ELMO1: variants seen among roughly 807,000 people sequenced by gnomAD.
ELMO1 encodes engulfment and cell motility protein 1.
ELMO1 carries 26 observed loss-of-function variants against 98.9 expected under a neutral mutation model. The ratio of observed to expected loss-of-function variants is 0.26; its 90% CI spans 0.19 to 0.36. ELMO1 has a LOEUF of 0.36. Among genes scored for constraint, ELMO1 ranks in the 10% least tolerant of loss-of-function variants. The probability of loss-of-function intolerance (pLI) is 1.00; values close to 1 mark genes in which losing one functional copy is unlikely to be tolerated. For missense variants in ELMO1, 627 were observed against 935.2 expected, an observed-to-expected ratio of 0.67 and a Z score of 4.30; for synonymous variants, 346 against 346.0, an observed-to-expected ratio of 1.00 and a Z score of 0.00.
At chr7:37,123,673 A>C (rs1349815522) in intron 14 of ELMO1, among the ~76,000 whole-genome samples, 1 of 152,154 alleles carries the variant, frequency 6.6e-6, no homozygotes, top group African/African-American at 2.4e-5. Flanking sequence ...AAAGTCCAGA[A>C]CCAGACAGAT....
chr7:37,132,445 C>T (rs1401448530), intron 14 of ELMO1, among the ~76,000 whole-genome samples: 1 of 152,158 alleles, frequency 6.6e-6, no homozygotes, highest in African/African-American at 2.4e-5. Flanking sequence ...ACCCTGAGGA[C>T]AGGGGAGAGG....
intron 1 of ELMO1, among the ~76,000 whole-genome samples, chr7:37,368,954 A>G (rs948720260): frequency 3.9e-5 from 6 of 152,238 alleles, no homozygotes; most frequent in Non-Finnish European, 4.4e-5. Flanking sequence ...TTTTGTCAGT[A>G]TATTTTCAGC....
At chr7:36,893,682 G>C (rs758319982) in intron 17 of ELMO1, among the ~76,000 whole-genome samples, 14 of 152,138 alleles carry the variant, frequency 9.2e-5, no homozygotes, top group Non-Finnish European at 2.1e-4. Flanking sequence ...CACAATATTA[G>C]CTGAGGGGTC....
chr7:36,962,877 C>T (rs1051772410), intron 16 of ELMO1, among the ~76,000 whole-genome samples: 2 of 151,770 alleles, frequency 1.3e-5, no homozygotes, highest in African/African-American at 4.9e-5. Context: ...GTTCTCCCCA[C>T]TATTAGAAAA....
intron 15 of ELMO1, 121 bp downstream of exon 15, chr7:37,096,498 C>A: frequency 4.0e-6 from 3 of 752,394 alleles, no homozygotes. Context: ...ATCAACCTAT[C>A]CACAGTGATG....
intron 16 of ELMO1, among the ~76,000 whole-genome samples, chr7:36,972,850 G>A (rs986011142): frequency 2.0e-5 from 3 of 152,034 alleles, no homozygotes; most frequent in East Asian, 1.9e-4. Flanking sequence ...GCGCGATCTC[G>A]GCTCACTGCA....
At chr7:36,988,344 C>T (rs1328079609) in intron 16 of ELMO1, among the ~76,000 whole-genome samples, 3 of 152,202 alleles carry the variant, frequency 2.0e-5, no homozygotes, top group African/African-American at 7.2e-5. Flanking sequence ...CTCTTGAAGG[C>T]TGTCCAAATC....
At chr7:36,956,120 T>C (rs539769278) in intron 16 of ELMO1, among the ~76,000 whole-genome samples, 1 of 152,340 alleles carries the variant, frequency 6.6e-6, no homozygotes, top group East Asian at 1.9e-4. Context: ...GAGAGCCTTT[T>C]CTTGTCTAGG....
Position 37,188,603 on chromosome 7 carries a change from G to GT in ELMO1, c.1086+22782dup, listed in dbSNP as rs1212077834. 3.3e-5 allele frequency among the ~76,000 whole-genome samples: 5 copies of GT among 151,118 alleles called. No individual in the cohort carries two copies. In the East Asian group the frequency reaches 5.8e-4, roughly 17 times the overall value. ...TATTTAGAGAAAAGGCATCTTAAGA[G>GT]TTTTTTTTAAAACCATAAAATTAGT... On this transcript the variant is annotated intron_variant, in intron 13 of 21. Coordinates refer to ENST00000310758, the MANE Select transcript of ELMO1 (RefSeq NM_014800.11).
intron 1 of ELMO1, among the ~76,000 whole-genome samples, chr7:37,411,047 C>G (rs532978456): frequency 1.3e-5 from 2 of 152,294 alleles, no homozygotes; most frequent in Admixed American, 6.5e-5. Flanking sequence ...AAACCCGGAA[C>G]AGCAAGAACA....
chr7:37,017,979 CAAAT>C (rs918993348), intron 15 of ELMO1, among the ~76,000 whole-genome samples: 3 of 152,082 alleles, frequency 2.0e-5, no homozygotes, highest in African/African-American at 7.2e-5. Flanking sequence ...GAACTTTAGA[CAAAT>C]AAACCCCCCT....
At chr7:37,405,033 G>T (rs918961278) in intron 1 of ELMO1, among the ~76,000 whole-genome samples, 1 of 152,106 alleles carries the variant, frequency 6.6e-6, no homozygotes, top group Non-Finnish European at 1.5e-5. Context: ...TCATTTCCAG[G>T]AGAGAAGTCA....
chr7:37,307,930 T>C (rs1798697345), intron 4 of ELMO1, among the ~76,000 whole-genome samples: 1 of 152,204 alleles, frequency 6.6e-6, no homozygotes, highest in East Asian at 1.9e-4. Context: ...CTGGCCAACA[T>C]GGTGAAACCC....
At chr7:37,148,419 G>A (rs534021431) in intron 13 of ELMO1, among the ~76,000 whole-genome samples, 3 of 152,140 alleles carry the variant, frequency 2.0e-5, no homozygotes, top group South Asian at 4.2e-4. Context: ...AGAAAAGGCC[G>A]TGTACTGCCA....
chr7:37,257,625 G>A (rs908774335), intron 6 of ELMO1, among the ~76,000 whole-genome samples: 14 of 148,740 alleles, frequency 9.4e-5, no homozygotes, highest in African/African-American at 3.2e-4. Flanking sequence ...AGCACTTCTG[G>A]GAGGCAGAGG....
chr7:36,963,540 C>T, intron 16 of ELMO1, among the ~76,000 whole-genome samples: 1 of 152,030 alleles, frequency 6.6e-6, no homozygotes, highest in Non-Finnish European at 1.5e-5. Context: ...AGATAAATAC[C>T]AAAATACCTG....
intron 5 of ELMO1, among the ~76,000 whole-genome samples, chr7:37,261,794 G>T (rs1795991075): frequency 6.6e-6 from 1 of 152,138 alleles, no homozygotes; most frequent in Admixed American, 6.5e-5. Context: ...TAGACACAGG[G>T]TTTCACCATG....
chr7:37,315,875 A>G (rs1799126323), intron 3 of ELMO1, 45 bp downstream of exon 3: 1 of 1,505,684 alleles, frequency 6.6e-7, no homozygotes, highest in Middle Eastern at 1.7e-4. Flanking sequence ...TTGCTTGTCA[A>G]TTTATCAACT....
At chr7:37,298,286 TG>T (rs1476549482) in intron 4 of ELMO1, among the ~76,000 whole-genome samples, 6,058 of 45,872 alleles carry the variant, frequency 0.13, 209 homozygotes, top group Middle Eastern at 0.21. Context: ...AAGTTTTTTT[TG>T]TTTTTTTTTT....
Sources: gnomAD v4.1 joint callset for allele counts (sites outside exome capture counted in the v4.1 genomes callset) on GRCh38, gnomAD v4.1.1 for gene constraint, MANE v1.5 for transcripts, NCBI Gene and HGNC (gene_info 2026-07-23, HGNC 2026-07-21) for gene names.